The following PATJ variants were observed in gnomAD, a reference collection of about 807,000 sequenced individuals.
The protein encoded by PATJ is PATJ crumbs cell polarity complex component, also known as inaD-like protein.
A neutral mutation model predicts 224.9 loss-of-function variants in PATJ; 190 were observed. The ratio of observed to expected loss-of-function variants is 0.84; its 90% CI spans 0.75 to 0.95. The LOEUF is 0.95. PATJ is among the 40% of genes least tolerant of loss of function. PATJ has a pLI of 0.00. For synonymous variants in PATJ, 769 were observed against 820.3 expected, an observed-to-expected ratio of 0.94 and a Z score of 1.07; for missense variants, 2,121 against 2,270.3, an observed-to-expected ratio of 0.93 and a Z score of 1.34.
chr1:61,984,285 C>T (rs12564318), intron 27 of PATJ, among the ~76,000 whole-genome samples: 37,628 of 150,808 alleles, frequency 0.25, 5,000 homozygotes, highest in East Asian at 0.45. Flanking sequence ...CTTAGCCTCC[C>T]GATTAGCTGG....
chr1:61,833,495 C>T (rs2148793700), intron 16 of PATJ, 159 bp from the exon 17 acceptor site: 1 of 590,224 alleles, frequency 1.7e-6, no homozygotes, highest in Non-Finnish European at 2.8e-6. Flanking sequence ...AGTGTGTGTG[C>T]CCCAGAGCAT....
chr1:62,027,880 A>G (rs2148454171), intron 29 of PATJ, among the ~76,000 whole-genome samples: 1 of 152,110 alleles, frequency 6.6e-6, no homozygotes, highest in African/African-American at 2.4e-5. Context: ...TATTGTAGAT[A>G]TTAACCACTT....
chr1:62,076,789 A>G (rs1168874720), intron 31 of PATJ, among the ~76,000 whole-genome samples: 1 of 152,166 alleles, frequency 6.6e-6, no homozygotes, highest in Non-Finnish European at 1.5e-5. Context: ...ATTTTTCATA[A>G]AAGAACTCTG....
chr1:62,154,113 C>A (rs2149050660), intron 43 of PATJ, among the ~76,000 whole-genome samples: 1 of 152,088 alleles, frequency 6.6e-6, no homozygotes, highest in South Asian at 2.1e-4. Flanking sequence ...CCAGGCTGGT[C>A]TCAAACTACT....
rs757237872 is a variant in PATJ at position 62,114,200 on chromosome 1, C to T, written c.4609C>T (p.Gln1537Ter). ...CTTGGAGATTTTCCCTGTGGATCTGCAGAAGAAAGCTGGCCGGGGCCTGGG... is the reference window on the plus strand; with the variant it reads ...CTTGGAGATTTTCCCTGTGGATCTGTAGAAGAAAGCTGGCCGGGGCCTGGG... The part of the protein sequence containing the change: ...ENLEIFPVDL[Q>*]KKAGRGLGLS... Residue 1537 changes from glutamine to a stop codon, truncating the protein, a stop_gained, in exon 35 of 44, where the codon CAG (glutamine) becomes TAG (stop). Transcript: ENST00000642238. LOFTEE classifies it high-confidence loss of function. 6.2e-7 allele frequency: 1 copy of T among 1,614,112 alleles called. No individual in the cohort carries two copies. The highest frequency in any genetic ancestry group is 8.5e-7 in the Non-Finnish European group (1 of 1,180,010).
intron 27 of PATJ, among the ~76,000 whole-genome samples, chr1:61,936,820 C>T (rs1354768484): frequency 6.6e-6 from 1 of 152,142 alleles, no homozygotes; most frequent in African/African-American, 2.4e-5. Context: ...GATCTGCCCA[C>T]GTCGGCCTCC....
chr1:61,868,947 A>G (rs576253951), intron 20 of PATJ, among the ~76,000 whole-genome samples: 2 of 152,180 alleles, frequency 1.3e-5, no homozygotes, highest in Non-Finnish European at 2.9e-5. Context: ...TGAACGCAAC[A>G]AAAGAAGCAG....
intron 27 of PATJ, among the ~76,000 whole-genome samples, chr1:61,937,426 A>G (rs1462012317): frequency 6.6e-6 from 1 of 152,024 alleles, no homozygotes; most frequent in Non-Finnish European, 1.5e-5. Context: ...AGATTTTGGG[A>G]AAAATATAGA....
rs140374160 is a variant in PATJ, at chr1:61,754,016, G to C, written c.-35-8842G>C. 8.8e-3 allele frequency among the ~76,000 whole-genome samples: 1,347 copies of C among 152,246 alleles called. 20 individuals carry two copies. Among genetic ancestry groups the C allele is most frequent in the African/African-American group, 0.031 (1,286 of 41,564 alleles). Reference sequence around the variant, plus strand: ...TAATTTCCTTCAATCACATTCTACAGTGAACCAGATATGAAAAATTCATGG... The same window carrying C: ...TAATTTCCTTCAATCACATTCTACACTGAACCAGATATGAAAAATTCATGG... On this transcript the variant is annotated intron_variant, in intron 1 of 43. Coordinates refer to ENST00000642238, the MANE Select transcript of PATJ (RefSeq NM_001350145.3).
intron 28 of PATJ, among the ~76,000 whole-genome samples, chr1:62,002,252 G>A (rs568249605): frequency 3.9e-5 from 6 of 152,106 alleles, no homozygotes; most frequent in South Asian, 2.1e-4. Context: ...GAGTCTCAAC[G>A]TCGTCATTAC....
At chr1:61,951,731 A>G (rs1571468184) in intron 27 of PATJ, among the ~76,000 whole-genome samples, 2 of 152,276 alleles carry the variant, frequency 1.3e-5, no homozygotes, top group African/African-American at 2.4e-5. Flanking sequence ...TGAGATACAA[A>G]TGAATCTCGC....
intron 1 of PATJ, among the ~76,000 whole-genome samples, chr1:61,751,642 A>G (rs147918505): frequency 1.2e-4 from 18 of 151,832 alleles, no homozygotes; most frequent in African/African-American, 3.6e-4. Flanking sequence ...CCTGACCAAC[A>G]TGGTAAAACC....
chr1:61,804,482 A>T (rs1052203452), intron 12 of PATJ, among the ~76,000 whole-genome samples: 1 of 152,146 alleles, frequency 6.6e-6, no homozygotes, highest in African/African-American at 2.4e-5. Context: ...CTGAAGACTG[A>T]AAGAGCTGAT....
At chr1:61,796,100 C>T (rs1292176017) in intron 10 of PATJ, among the ~76,000 whole-genome samples, 1 of 152,130 alleles carries the variant, frequency 6.6e-6, no homozygotes, top group Non-Finnish European at 1.5e-5. Context: ...TATGTATACA[C>T]ACACATTGCT....
chr1:62,082,089 A>G (rs1365349085), intron 32 of PATJ, among the ~76,000 whole-genome samples: 1 of 152,020 alleles, frequency 6.6e-6, no homozygotes, highest in Non-Finnish European at 1.5e-5. Flanking sequence ...GTCGATAGTA[A>G]ATATTTTAGG....
Position 62,033,129 on chromosome 1 carries a change from G to A in PATJ, c.3960-4848G>A, listed in dbSNP as rs1393555736. 2.0e-5 allele frequency among the ~76,000 whole-genome samples: 3 copies of A among 152,140 alleles called. No homozygotes were observed. The East Asian group carries it at 5.8e-4, about 29-fold the overall frequency. On this transcript the variant is annotated intron_variant, in intron 29 of 43. Coordinates refer to ENST00000642238, the MANE Select transcript of PATJ (RefSeq NM_001350145.3). ...CATATCAGGTATTAATGCCACAATTGTAGTTGTTCATTTACTTAGCTGCAT... is the reference window on the plus strand; with the variant it reads ...CATATCAGGTATTAATGCCACAATTATAGTTGTTCATTTACTTAGCTGCAT...
chr1:61,780,094 TG>T (rs1454434638), intron 7 of PATJ, among the ~76,000 whole-genome samples: 3 of 151,978 alleles, frequency 2.0e-5, no homozygotes, highest in Admixed American at 2.0e-4. Context: ...ACATGAGGTT[TG>T]GGGGGGACAA....
intron 27 of PATJ, among the ~76,000 whole-genome samples, chr1:61,930,260 A>T (rs1215363463): frequency 6.6e-6 from 1 of 152,178 alleles, no homozygotes; most frequent in Non-Finnish European, 1.5e-5. Context: ...GATAATTCAC[A>T]TTTGAAATGC....
At chr1:61,773,095 ACTGCAACCCC>A (rs745780178) in intron 6 of PATJ, among the ~76,000 whole-genome samples, 3 of 152,062 alleles carry the variant, frequency 2.0e-5, no homozygotes, top group Non-Finnish European at 4.4e-5. Context: ...ATCTCGGCTC[ACTGCAACCCC>A]CGCCTCCTGG....
Sources: gnomAD v4.1 joint callset for allele counts (sites outside exome capture counted in the v4.1 genomes callset) on GRCh38, gnomAD v4.1.1 for gene constraint, MANE v1.5 for transcripts, NCBI Gene and HGNC (gene_info 2026-07-23, HGNC 2026-07-21) for gene names.